Variants in SLC25A20 observed in about 807,000 individuals in gnomAD.
The protein encoded by SLC25A20 is mitochondrial carnitine/acylcarnitine carrier protein.
Under a neutral mutation model 39.7 loss-of-function variants are expected in SLC25A20, and 29 were observed. The ratio of observed to expected loss-of-function variants is 0.73; its 90% CI spans 0.54 to 1.00. The LOEUF (loss-of-function observed/expected upper bound fraction) is 1.00, where lower values mean the gene tolerates loss of function less well. SLC25A20 is among the 50% of genes least tolerant of loss of function. The pLI is 0.00. For missense variants in SLC25A20, 333 were observed against 379.9 expected (o/e 0.88, Z 1.03); for synonymous variants, 103 against 142.2 (o/e 0.72, Z 1.96).
chr3:48,892,542 C>T (rs997610889), intron 1 of SLC25A20, among the ~76,000 whole-genome samples: 11 of 152,140 alleles, frequency 7.2e-5, no homozygotes, highest in Non-Finnish European at 8.8e-5. Context: ...GATCTGTAGT[C>T]GGCAAGTTTG....
Position 48,881,212 on chromosome 3 carries a change from G to T in SLC25A20, c.327-1764C>A, listed in dbSNP as rs557508707. 4.6e-5 allele frequency among the ~76,000 whole-genome samples: 7 copies of T among 152,304 alleles called. No individual in the cohort carries two copies. In the South Asian group the frequency reaches 1.4e-3, roughly 32 times the overall value. ...GCATCTACCTCAGGCACACAGCCAAGCTGACTGTCAAACAGTCAAGAGACT... is the reference window on the plus strand; with the variant it reads ...GCATCTACCTCAGGCACACAGCCAATCTGACTGTCAAACAGTCAAGAGACT... On this transcript the variant is annotated intron_variant, in intron 3 of 8. Coordinates refer to ENST00000319017, the MANE Select transcript of SLC25A20 (RefSeq NM_000387.6).
At position 48,878,776 on chromosome 3, in the gene SLC25A20, C is replaced by T. The variant is rs531003522; in HGVS notation, c.417+582G>A. Among the ~76,000 whole-genome samples, 52 of 141,686 alleles carry T rather than the reference C, an allele frequency of 3.7e-4. 2 individuals are homozygous for T. The East Asian group carries it at 9.8e-3, about 27-fold the overall frequency. The allele number at this position is 141,686 out of a possible 152,430, so 93.0% of individuals were successfully genotyped here. A position where few individuals can be genotyped will look rare whatever the true frequency, so the allele number is the denominator to read the frequency against. On this transcript the variant is annotated intron_variant, in intron 4 of 8. Coordinates refer to ENST00000319017, the MANE Select transcript of SLC25A20 (RefSeq NM_000387.6). ...GATCGTGCCACTGCACTCCAGCCTG[C>T]GAAACACAGCAAGACCCCATCTCAA...
intron 1 of SLC25A20, chr3:48,895,702 G>A (rs1396455378): frequency 1.6e-5 from 7 of 445,304 alleles, no homozygotes; most frequent in Admixed American, 4.8e-5. Context: ...GAGGTGACAC[G>A]TAAGTCTGAG....
In SLC25A20 at chr3:48,898,820, G is replaced by C. The variant is rs373173513; in HGVS notation, c.-26C>G. 1 of 1,548,160 alleles carries C rather than the reference G, an allele frequency of 6.5e-7. No homozygotes were observed. The highest frequency in any genetic ancestry group is 1.2e-5 in the South Asian group (1 of 84,176). On this transcript the variant is annotated 5_prime_UTR_variant, in exon 1 of 9. Coordinates refer to ENST00000319017, the MANE Select transcript of SLC25A20 (RefSeq NM_000387.6). Reference sequence around the variant, plus strand: ...GGTCAGTCCGTCTGTCACTCCGTCTGTCAGTTCTCGGGCCGTCCTGGCTTC... The same window carrying C: ...GGTCAGTCCGTCTGTCACTCCGTCTCTCAGTTCTCGGGCCGTCCTGGCTTC...
chr3:48,884,281 G>GAA (rs906006796), intron 2 of SLC25A20, among the ~76,000 whole-genome samples, 157 bp from the exon 3 acceptor site: 2 of 152,160 alleles, frequency 1.3e-5, no homozygotes, highest in African/African-American at 2.4e-5. Flanking sequence ...ACATTTATCA[G>GAA]AAATAATTTT....
intron 4 of SLC25A20, among the ~76,000 whole-genome samples, chr3:48,870,133 C>T (rs1575983198): frequency 1.3e-5 from 2 of 152,100 alleles, no homozygotes; most frequent in Non-Finnish European, 2.9e-5. Context: ...GGCATGGTGG[C>T]TCTCGCCTAT....
chr3:48,890,707 T>A (rs1215786216), intron 2 of SLC25A20, among the ~76,000 whole-genome samples: 6 of 140,750 alleles, frequency 4.3e-5, no homozygotes, highest in Admixed American at 3.1e-4. Flanking sequence ...CATGCTGGAG[T>A]GCAGTGGTGT....
chr3:48,883,781 C>T (rs951072076), intron 3 of SLC25A20, among the ~76,000 whole-genome samples: 4 of 151,864 alleles, frequency 2.6e-5, no homozygotes, highest in Non-Finnish European at 5.9e-5. Flanking sequence ...GCCACAACAC[C>T]CAGCTAATTT....
At chr3:48,866,854 C>G (rs370926734) in intron 4 of SLC25A20, among the ~76,000 whole-genome samples, 1 of 151,908 alleles carries the variant, frequency 6.6e-6, no homozygotes, top group African/African-American at 2.4e-5. Flanking sequence ...AGTGCAATGG[C>G]GCGATCTCGA....
intron 4 of SLC25A20, among the ~76,000 whole-genome samples, chr3:48,870,331 GC>G (rs1444183725): frequency 7.2e-5 from 11 of 152,140 alleles, no homozygotes; most frequent in Non-Finnish European, 1.0e-4. Flanking sequence ...AACCCAGGAG[GC>G]GGAGGTTGCA....
chr3:48,878,731 T>G (rs1233021500), intron 4 of SLC25A20, among the ~76,000 whole-genome samples: 4 of 139,308 alleles, frequency 2.9e-5, no homozygotes, highest in Non-Finnish European at 4.6e-5. Flanking sequence ...ATCCGGGAGG[T>G]GGAGGTTGCA....
intron 3 of SLC25A20, 78 bp downstream of exon 3, chr3:48,883,919 C>A: frequency 1.3e-6 from 2 of 1,573,514 alleles, no homozygotes; most frequent in South Asian, 1.1e-5. Flanking sequence ...CCACCGCGCC[C>A]TGCCCAAGTT....
chr3:48,860,835 T>A (rs1419147129), intron 5 of SLC25A20, among the ~76,000 whole-genome samples: 1 of 119,804 alleles, frequency 8.3e-6, no homozygotes, highest in Non-Finnish European at 1.9e-5. Flanking sequence ...ATTACTTTAC[T>A]TTTTTTTTTT....
chr3:48,861,417 CAT>C (rs1236310910), intron 5 of SLC25A20, among the ~76,000 whole-genome samples: 1 of 152,138 alleles, frequency 6.6e-6, no homozygotes, highest in African/African-American at 2.4e-5. Flanking sequence ...TACAAACACA[CAT>C]GATATAATTT....
At chr3:48,883,847 C>G (rs1330451164) in intron 3 of SLC25A20, 150 bp downstream of exon 3, 1 of 878,216 alleles carries the variant, frequency 1.1e-6, no homozygotes, top group African/African-American at 1.7e-5. Context: ...TGGACTCGAC[C>G]TCCTGACCTC....
At position 48,866,919 on chromosome 3, in the gene SLC25A20, G is replaced by A. The variant is rs149114653; in HGVS notation, c.418-4260C>T. Among the ~76,000 whole-genome samples the A allele has an allele frequency of 7.8e-3, 1,182 of 151,568 alleles. 11 individuals carry two copies. Among genetic ancestry groups the A allele is most frequent in the African/African-American group, 0.027 (1,124 of 41,294 alleles). On this transcript the variant is annotated intron_variant, in intron 4 of 8. Coordinates refer to ENST00000319017, the MANE Select transcript of SLC25A20 (RefSeq NM_000387.6). ...AGCAATTCTCCTGTCTCAGACTCCC[G>A]AGTAGCTGGGATTACAGGCACCTGC...
chr3:48,877,370 G>A lies in SLC25A20; in HGVS notation c.417+1988C>T, dbSNP rs570119158. On this transcript the variant is annotated intron_variant, in intron 4 of 8. Transcript: ENST00000319017. ...CGGAGGTTGCGGTGAGCCAAGGAGT[G>A]CAATGGCGCCACTGCACTCCAGCCT... 2.0e-5 allele frequency among the ~76,000 whole-genome samples: 3 copies of A among 149,666 alleles called. No homozygotes were observed. The South Asian group carries it at 6.4e-4, about 32-fold the overall frequency.
At chr3:48,884,196 A>T in intron 2 of SLC25A20, 72 bp from the exon 3 acceptor site, 1 of 1,599,224 alleles carries the variant, frequency 6.3e-7, no homozygotes, top group East Asian at 2.2e-5. Context: ...AGAGGAAAGC[A>T]GTGTGTCCTC....
At chr3:48,872,179 G>T (rs913889466) in intron 4 of SLC25A20, among the ~76,000 whole-genome samples, 4 of 150,274 alleles carry the variant, frequency 2.7e-5, no homozygotes, top group Non-Finnish European at 1.5e-5. Flanking sequence ...TGCCCAGGCT[G>T]GAGTGCAGTG....
Sources: gnomAD v4.1 joint callset for allele counts (sites outside exome capture counted in the v4.1 genomes callset) on GRCh38, gnomAD v4.1.1 for gene constraint, MANE v1.5 for transcripts, NCBI Gene and HGNC (gene_info 2026-07-23, HGNC 2026-07-21) for gene names.